The following ITPR1 variants were observed in gnomAD, a reference collection of about 807,000 sequenced individuals.
ITPR1 encodes inositol 1,4,5-trisphosphate receptor type 1, also known as inositol 1,4,5-trisphosphate-gated calcium channel ITPR1.
Under a neutral mutation model 318.4 loss-of-function variants are expected in ITPR1, and 96 were observed. The observed-to-expected ratio is 0.30, with a 90% confidence interval of 0.26 to 0.36. ITPR1 has a LOEUF of 0.36. ITPR1 is among the 10% of genes least tolerant of loss of function. ITPR1 has a pLI of 1.00. For synonymous variants in ITPR1, 1,312 were observed against 1,289.9 expected (o/e 1.02, Z -0.37); for missense variants, 2,440 against 3,460.2 (o/e 0.71, Z 7.40).
intron 7 of ITPR1, 42 bp from the exon 8 acceptor site, chr3:4,644,094 T>C (rs2093400194): frequency 7.4e-7 from 1 of 1,346,264 alleles, no homozygotes; most frequent in Non-Finnish European, 1.1e-6. Flanking sequence ...CCGCAGTCCT[T>C]ATCAGTTTTG....
intron 4 of ITPR1, among the ~76,000 whole-genome samples, chr3:4,625,912 A>C (rs2092810677): frequency 6.6e-6 from 1 of 152,202 alleles, no homozygotes; most frequent in Admixed American, 6.6e-5. Context: ...CAGTATGTCA[A>C]AATGTAAACT....
In ITPR1 at chr3:4,785,430, C is replaced by T. The variant is rs1027457933; in HGVS notation, c.6615+1510C>T. Among the ~76,000 whole-genome samples, 9 of 152,222 alleles carry T rather than the reference C, an allele frequency of 5.9e-5. No homozygotes were observed. The South Asian group carries it at 1.0e-3, about 18-fold the overall frequency. ...ACAAAGATTTTAAAGAATGGACAGA[C>T]TCCTTTGGGCAATATGAAATGTTCA... On this transcript the variant is annotated intron_variant, in intron 51 of 61. Coordinates refer to ENST00000649015, the MANE Select transcript of ITPR1 (RefSeq NM_001378452.1).
intron 4 of ITPR1, among the ~76,000 whole-genome samples, chr3:4,595,606 T>A (rs993493121): frequency 3.9e-4 from 59 of 152,180 alleles, no homozygotes; most frequent in African/African-American, 1.4e-3. Context: ...TTGGCCATTT[T>A]ATGTATGAGG....
At position 4,710,751 on chromosome 3, in the gene ITPR1, T is replaced by C. The variant is rs2041295206; in HGVS notation, c.4991+278T>C. Among the ~76,000 whole-genome samples the C allele has an allele frequency of 6.6e-6, 1 of 152,206 alleles. No homozygotes were observed. Among genetic ancestry groups the C allele is most frequent in the African/African-American group, 2.4e-5 (1 of 41,458 alleles). On this transcript the variant is annotated intron_variant, in intron 38 of 61. Transcript: ENST00000649015. The surrounding 1 kb of genome is among the most constrained non-coding windows in gnomAD (Gnocchi z 4.2). ...TTCATTCATTACAGTGCACCCACCG[T>C]GTGCTGTGGTACAGACATAAAAAAG...
intron 4 of ITPR1, among the ~76,000 whole-genome samples, chr3:4,607,523 A>AAG (rs575014336): frequency 1.3e-5 from 2 of 152,122 alleles, no homozygotes; most frequent in Non-Finnish European, 2.9e-5. Flanking sequence ...GGGGAATTGC[A>AAG]AGAGAGAGAG....
At position 4,645,850 on chromosome 3, in the gene ITPR1, A is replaced by G. The variant is rs556585914; in HGVS notation, c.855+122A>G. On this transcript the variant is annotated intron_variant, in intron 10 of 61. Coordinates refer to ENST00000649015, the MANE Select transcript of ITPR1 (RefSeq NM_001378452.1). ...TATACCTATATGTGTCTATACACCC[A>G]CATACACACACCTACACACACACAC... The G allele has an allele frequency of 3.2e-5, 27 of 845,252 alleles. No homozygotes were observed. The South Asian group carries it at 3.5e-4, about 11-fold the overall frequency. 52.4% of individuals were successfully genotyped at this position (845,252 alleles called of 1,614,324 possible). A position where few individuals can be genotyped will look rare whatever the true frequency, so the allele number is the denominator to read the frequency against.
At chr3:4,524,480 G>T (rs1051940497) in intron 4 of ITPR1, among the ~76,000 whole-genome samples, 11 of 152,056 alleles carry the variant, frequency 7.2e-5, no homozygotes, top group Admixed American at 7.2e-4. Context: ...TCATGGACTC[G>T]TTGCACCCTA....
chr3:4,611,237 AAAAAAC>A (rs1415354853), intron 4 of ITPR1, among the ~76,000 whole-genome samples: 4 of 146,566 alleles, frequency 2.7e-5, no homozygotes, highest in South Asian at 2.2e-4. Context: ...TCTACAAAAA[AAAAAAC>A]AAAAAAAAAA....
intron 4 of ITPR1, among the ~76,000 whole-genome samples, chr3:4,538,959 G>A (rs1319816751): frequency 6.6e-6 from 1 of 152,060 alleles, no homozygotes; most frequent in Non-Finnish European, 1.5e-5. Flanking sequence ...GTTGATAGGA[G>A]TAGCAAACCA....
At chr3:4,556,603 G>A (rs1034088908) in intron 4 of ITPR1, among the ~76,000 whole-genome samples, 1 of 151,082 alleles carries the variant, frequency 6.6e-6, no homozygotes, top group African/African-American at 2.4e-5. Context: ...CACTCAGTAT[G>A]TGCATTTAAA....
At position 4,826,972 on chromosome 3, in the gene ITPR1, C is replaced by T. The variant is rs1402023186; in HGVS notation, c.8028+8730C>T. Among the ~76,000 whole-genome samples the T allele has an allele frequency of 5.3e-5, 8 of 151,932 alleles. No individual in the cohort carries two copies. Among genetic ancestry groups the T allele is most frequent in the African/African-American group, 1.9e-4 (8 of 41,442 alleles). On this transcript the variant is annotated intron_variant, in intron 60 of 61. Transcript: ENST00000649015. The surrounding 1 kb of genome is among the most constrained non-coding windows in gnomAD (Gnocchi z 4.2). The stretch of plus-strand genomic sequence containing the variant: ...CTGTGCAGGACATGAGGGTTATGCA[C>T]AGACATTGTTCCGTCAGCCACTGAA...
intron 2 of ITPR1, among the ~76,000 whole-genome samples, chr3:4,495,796 G>A (rs1032199979): frequency 3.3e-5 from 5 of 152,150 alleles, no homozygotes; most frequent in Non-Finnish European, 7.4e-5. Context: ...AACCTCAGGC[G>A]GTGAGGCTGT....
chr3:4,502,729 G>A (rs1398833084), intron 2 of ITPR1, among the ~76,000 whole-genome samples: 1 of 151,892 alleles, frequency 6.6e-6, no homozygotes, highest in Non-Finnish European at 1.5e-5. Context: ...GTGATCCACT[G>A]CGCCTGGCCC....
chr3:4,566,604 GCACACACACACACACACACA>G (rs57756103), intron 4 of ITPR1, among the ~76,000 whole-genome samples: 9 of 140,988 alleles, frequency 6.4e-5, no homozygotes, highest in Non-Finnish European at 7.6e-5. Context: ...GGGGACACAT[GCACACACACACACACACACA>G]CACACACACA....
chr3:4,660,672 A>G (rs1309854850), intron 13 of ITPR1, among the ~76,000 whole-genome samples: 1 of 152,178 alleles, frequency 6.6e-6, no homozygotes, highest in Non-Finnish European at 1.5e-5. Context: ...AAGCACTAAT[A>G]TATACCCGTA....
rs1461796754 is a variant in ITPR1 at position 4,611,598 on chromosome 3, T to TAAATAAATA, written c.164-16164_164-16163insAATAAATAA. ...TAAATAAATAAATAAATAAATAAAT[T>TAAATAAATA]AGCAGGTGTCGTGGCATGTGCGTGT... is the stretch of plus-strand genomic sequence containing the variant. On this transcript the variant is annotated intron_variant, in intron 4 of 61. Transcript: ENST00000649015. Among the ~76,000 whole-genome samples the TAAATAAATA allele has an allele frequency of 1.5e-4, 14 of 95,518 alleles. No homozygotes were observed. In the East Asian group the frequency reaches 2.1e-3, roughly 14 times the overall value. 62.7% of individuals were successfully genotyped at this position (95,518 alleles called of 152,430 possible).
At chr3:4,681,313 G>A (rs1326283140) in intron 25 of ITPR1, 51 bp from the exon 26 acceptor site, 8 of 1,278,856 alleles carry the variant, frequency 6.3e-6, no homozygotes, top group Non-Finnish European at 9.1e-6. Flanking sequence ...TTCACCAGCA[G>A]CATGTTTGCA....
intron 4 of ITPR1, among the ~76,000 whole-genome samples, chr3:4,584,646 G>A (rs1020682006): frequency 1.3e-5 from 2 of 151,994 alleles, no homozygotes; most frequent in African/African-American, 4.8e-5. Flanking sequence ...CCCAGAATGC[G>A]GAGGCTGCCA....
chr3:4,615,643 C>T (rs2092359149), intron 4 of ITPR1, among the ~76,000 whole-genome samples: 1 of 152,138 alleles, frequency 6.6e-6, no homozygotes, highest in African/African-American at 2.4e-5. Context: ...CCCCAAAGTG[C>T]TGGGATTACA....
Sources: allele counts gnomAD v4.1 joint callset (sites outside exome capture counted in the v4.1 genomes callset), GRCh38; gene constraint gnomAD v4.1.1; non-coding constraint Gnocchi (gnomAD v3.1); transcripts MANE v1.5; gene names NCBI Gene and HGNC (gene_info 2026-07-23, HGNC 2026-07-21).